Variants in PTPRJ observed in about 807,000 individuals in gnomAD.
The protein encoded by PTPRJ is receptor-type tyrosine-protein phosphatase eta.
A neutral mutation model predicts 141.3 loss-of-function variants in PTPRJ; 129 were observed. That is an observed-to-expected ratio of 0.91 (90% CI 0.79 to 1.06). The LOEUF (loss-of-function observed/expected upper bound fraction) is 1.06. Ranked by LOEUF, PTPRJ falls within the 50% of genes least tolerant of loss-of-function variation. The probability of loss-of-function intolerance (pLI) is 0.00; values close to 1 mark genes in which losing one functional copy is unlikely to be tolerated. For missense variants in PTPRJ, 1,601 were observed against 1,679.7 expected (o/e 0.95, Z 0.82); for synonymous variants, 610 against 640.5 (o/e 0.95, Z 0.72).
chr11:48,047,463 CCT>C (rs1272405077), intron 1 of PTPRJ, among the ~76,000 whole-genome samples: 1 of 151,518 alleles, frequency 6.6e-6, no homozygotes, highest in African/African-American at 2.4e-5. Flanking sequence ...TTAAAATAAA[CCT>C]CTCAAATTTG....
At chr11:48,013,355 C>T (rs1854860343) in intron 1 of PTPRJ, among the ~76,000 whole-genome samples, 1 of 152,118 alleles carries the variant, frequency 6.6e-6, no homozygotes, top group African/African-American at 2.4e-5. Context: ...GGTCAGAGGT[C>T]AAGGCCAGTG....
chr11:48,110,320 C>T (rs565920785), intron 2 of PTPRJ, among the ~76,000 whole-genome samples: 34 of 152,296 alleles, frequency 2.2e-4, no homozygotes, highest in Non-Finnish European at 4.1e-4. Context: ...GATTCTCCTG[C>T]CTCAGCCTAG....
chr11:48,079,273 T>G (rs1855497566), intron 1 of PTPRJ, among the ~76,000 whole-genome samples: 1 of 152,028 alleles, frequency 6.6e-6, no homozygotes, highest in Non-Finnish European at 1.5e-5. Context: ...CCAAGCTTGG[T>G]TTAGAGGCGG....
At chr11:48,143,106 T>C in intron 12 of PTPRJ, 56 bp downstream of exon 12, 7 of 1,598,376 alleles carry the variant, frequency 4.4e-6, no homozygotes, top group Non-Finnish European at 6.0e-6. Flanking sequence ...TGACCAGAGC[T>C]TTCTCTGTGC....
chr11:48,152,477 T>G (rs1857507650), intron 18 of PTPRJ, among the ~76,000 whole-genome samples: 1 of 152,156 alleles, frequency 6.6e-6, no homozygotes, highest in Non-Finnish European at 1.5e-5. Context: ...CAATTTTGTC[T>G]TTTGTTGCCA....
intron 1 of PTPRJ, among the ~76,000 whole-genome samples, chr11:48,090,047 T>G (rs555052028): frequency 1.3e-5 from 2 of 152,314 alleles, no homozygotes; most frequent in South Asian, 4.1e-4. Flanking sequence ...TTCAGGAAAA[T>G]GTTGGAAAAC....
intron 1 of PTPRJ, among the ~76,000 whole-genome samples, chr11:48,094,836 C>T (rs777515214): frequency 1.8e-4 from 28 of 152,178 alleles, no homozygotes; most frequent in African/African-American, 5.5e-4. Context: ...GATGGATACC[C>T]GAGAACATGT....
chr11:48,109,899 TA>T (rs1446264411), intron 1 of PTPRJ, among the ~76,000 whole-genome samples, 158 bp from the exon 2 acceptor site: 1 of 152,194 alleles, frequency 6.6e-6, no homozygotes, highest in African/African-American at 2.4e-5. Flanking sequence ...TCCCTGTGTT[TA>T]ATGTCCCAAG....
chr11:47,996,356 A>G (rs1366536728), intron 1 of PTPRJ, among the ~76,000 whole-genome samples: 1 of 150,702 alleles, frequency 6.6e-6, no homozygotes, highest in East Asian at 1.9e-4. Flanking sequence ...AAAAAAAAAA[A>G]GAGGAACTTG....
At chr11:48,033,957 T>G (rs1565267950) in intron 1 of PTPRJ, among the ~76,000 whole-genome samples, 1 of 152,252 alleles carries the variant, frequency 6.6e-6, no homozygotes, top group African/African-American at 2.4e-5. Flanking sequence ...AAAGGCTTCT[T>G]CTTTCCAAGG....
At chr11:48,131,588 G>C (rs1427443047) in intron 8 of PTPRJ, 2 of 755,568 alleles carry the variant, frequency 2.6e-6, no homozygotes, top group African/African-American at 3.5e-5. Context: ...TGCCAAATTT[G>C]GCTCATTGTC....
intron 1 of PTPRJ, 81 bp from the exon 2 acceptor site, chr11:48,109,977 A>G (rs992648180): frequency 1.3e-6 from 2 of 1,527,490 alleles, no homozygotes; most frequent in African/African-American, 2.7e-5. Flanking sequence ...CCATTATTAA[A>G]TCCTCAACTG....
intron 18 of PTPRJ, among the ~76,000 whole-genome samples, chr11:48,152,683 A>T (rs554355939): frequency 6.6e-6 from 1 of 152,322 alleles, no homozygotes; most frequent in South Asian, 2.1e-4. Context: ...TTAAATTGGG[A>T]ATCCTTTCCC....
chr11:47,992,904 T>G (rs1434608222), intron 1 of PTPRJ, among the ~76,000 whole-genome samples: 1 of 152,172 alleles, frequency 6.6e-6, no homozygotes, highest in Non-Finnish European at 1.5e-5. Context: ...TTTCTTATCA[T>G]GGGTTCACCT....
At chr11:48,117,688 A>G (rs1439434726) in intron 3 of PTPRJ, among the ~76,000 whole-genome samples, 1 of 152,080 alleles carries the variant, frequency 6.6e-6, no homozygotes, top group Non-Finnish European at 1.5e-5. Flanking sequence ...AATAAGAACA[A>G]ACTAATCTTC....
intron 1 of PTPRJ, among the ~76,000 whole-genome samples, chr11:47,990,737 G>C (rs1854169838): frequency 2.0e-5 from 3 of 148,638 alleles, no homozygotes; most frequent in Admixed American, 1.3e-4. Flanking sequence ...CCAGGCTGGA[G>C]TTCAGTGGCG....
At chr11:48,136,670 T>C (rs1201884667) in intron 9 of PTPRJ, among the ~76,000 whole-genome samples, 1 of 152,230 alleles carries the variant, frequency 6.6e-6, no homozygotes, top group Non-Finnish European at 1.5e-5. Context: ...TTGAATTAAA[T>C]ACATGGTAAA....
rs556151754 is a variant in PTPRJ at position 48,170,578 on chromosome 11, T to G, written c.*3216T>G. 6.6e-6 allele frequency: 1 copy of G among 152,328 alleles called. No homozygotes were observed. Among genetic ancestry groups the G allele is most frequent in the Non-Finnish European group, 1.5e-5 (1 of 68,032 alleles). The allele number at this position is 152,328 out of a possible 1,614,324, so 9.4% of individuals were successfully genotyped here. ...GCCTCAAAAGTTTTAAGTCCTGGGTTTTCAGACTACTGTGTAGCAGCTGTG... is the reference window on the plus strand; with the variant it reads ...GCCTCAAAAGTTTTAAGTCCTGGGTGTTCAGACTACTGTGTAGCAGCTGTG... On this transcript the variant is annotated 3_prime_UTR_variant, in exon 25 of 25. Coordinates refer to ENST00000418331, the MANE Select transcript of PTPRJ (RefSeq NM_002843.4).
chr11:47,998,229 C>G (rs1357231225), intron 1 of PTPRJ, among the ~76,000 whole-genome samples: 2 of 151,602 alleles, frequency 1.3e-5, no homozygotes, highest in African/African-American at 4.9e-5. Context: ...TTATTATGTT[C>G]ATTTTAAAGA....
Sources: gnomAD v4.1 joint callset for allele counts (sites outside exome capture counted in the v4.1 genomes callset) on GRCh38, gnomAD v4.1.1 for gene constraint, MANE v1.5 for transcripts, NCBI Gene and HGNC (gene_info 2026-07-23, HGNC 2026-07-21) for gene names.